Variants in FAR2 observed in about 807,000 individuals in gnomAD.
FAR2 encodes the protein fatty acyl-CoA reductase 2.
In FAR2, 19 loss-of-function variants were observed where a neutral mutation model predicts 56.0. That is an observed-to-expected ratio of 0.34 (90% confidence interval 0.24 to 0.50). FAR2 has a LOEUF of 0.50. Ranked by LOEUF, FAR2 falls within the 20% of genes least tolerant of loss-of-function variation. FAR2 has a pLI of 0.98. For synonymous variants in FAR2, 219 were observed against 218.8 expected (o/e 1.00, Z -0.01); for missense variants, 508 against 642.2 (o/e 0.79, Z 2.26).
intron 1 of FAR2, among the ~76,000 whole-genome samples, chr12:29,229,489 T>C (rs1947820042): frequency 6.6e-6 from 1 of 152,212 alleles, no homozygotes; most frequent in Admixed American, 6.5e-5. Context: ...AATTGTAAGC[T>C]TTAGGTCTGT....
chr12:29,331,520 T>C lies in FAR2; in HGVS notation c.1258-1080T>C, dbSNP rs193258537. The C allele has an allele frequency of 3.3e-5, 5 of 152,242 alleles. No individual in the cohort carries two copies. The East Asian group carries it at 7.7e-4, about 23-fold the overall frequency. 9.4% of individuals were successfully genotyped at this position (152,242 alleles called of 1,614,324 possible). A position where few individuals can be genotyped will look rare whatever the true frequency, so the allele number is the denominator to read the frequency against. ...CTAATACTTGAAATATTTCCAGAGA[T>C]GATACCAGAATCTTCTTGACACTCT... is the stretch of plus-strand genomic sequence containing the variant. On this transcript the variant is annotated intron_variant, in intron 10 of 11. Transcript: ENST00000536681.
rs895636416 is a variant in FAR2 at position 29,290,133 on chromosome 12, G to T, written c.190-3167G>T. ...AACCACTACGGAGAACAGTTTGCAT[G>T]TTCCTCAAAAAACAATAGAAATACC... On this transcript the variant is annotated intron_variant, in intron 2 of 11. Coordinates refer to ENST00000536681, the MANE Select transcript of FAR2 (RefSeq NM_001271783.2). Among the ~76,000 whole-genome samples, 8 of 152,136 alleles carry T rather than the reference G, an allele frequency of 5.3e-5. No homozygotes were observed. The East Asian group carries it at 5.8e-4, about 11-fold the overall frequency.
At chr12:29,161,629 C>T (rs79193658) in intron 1 of FAR2, among the ~76,000 whole-genome samples, 2,769 of 152,064 alleles carry the variant, frequency 0.018, 87 homozygotes, top group African/African-American at 0.062. Context: ...TTTTGTTAAA[C>T]ATACGTACAC....
At chr12:29,256,933 G>A (rs550794905) in intron 1 of FAR2, among the ~76,000 whole-genome samples, 46 of 152,280 alleles carry the variant, frequency 3.0e-4, no homozygotes, top group South Asian at 2.5e-3. Context: ...CACCTCCTCC[G>A]TGGTCTCCTG....
intron 1 of FAR2, among the ~76,000 whole-genome samples, chr12:29,215,466 C>T (rs1295814734): frequency 1.3e-5 from 2 of 152,098 alleles, no homozygotes; most frequent in Non-Finnish European, 2.9e-5. Flanking sequence ...TTCATTTGTA[C>T]ATTATTTTTG....
intron 1 of FAR2, among the ~76,000 whole-genome samples, chr12:29,262,957 T>G (rs1467963636): frequency 6.6e-6 from 1 of 152,176 alleles, no homozygotes; most frequent in Non-Finnish European, 1.5e-5. Flanking sequence ...TGGAAAAAGA[T>G]ATTTCATGCT....
In FAR2 at chr12:29,178,819, C is replaced by T. The variant is rs1949964784; in HGVS notation, c.-39+29412C>T. On this transcript the variant is annotated intron_variant, in intron 1 of 11. Coordinates refer to ENST00000536681, the MANE Select transcript of FAR2 (RefSeq NM_001271783.2). Reference sequence around the variant, plus strand: ...TTTATTGAATGTTCTGTCTTAATTTCACTGGATGAATTTGCTAGGGCTGCT... The same window carrying T: ...TTTATTGAATGTTCTGTCTTAATTTTACTGGATGAATTTGCTAGGGCTGCT... Among the ~76,000 whole-genome samples, 2 of 152,180 alleles carry T rather than the reference C, an allele frequency of 1.3e-5. 1 individual carries two copies. Among genetic ancestry groups the T allele is most frequent in the African/African-American group, 4.8e-5 (2 of 41,438 alleles).
chr12:29,205,048 A>C (rs1947463632), intron 1 of FAR2, among the ~76,000 whole-genome samples: 1 of 152,208 alleles, frequency 6.6e-6, no homozygotes, highest in Non-Finnish European at 1.5e-5. Context: ...TCTTGATGGA[A>C]TCTTAGTGAT....
intron 1 of FAR2, chr12:29,156,826 T>C (rs572395859): frequency 1.6e-4 from 25 of 152,136 alleles, no homozygotes; most frequent in Admixed American, 3.9e-4. Context: ...GGGGAGATTT[T>C]GGAATAGCTA....
chr12:29,268,116 T>G (rs956588212), intron 1 of FAR2, among the ~76,000 whole-genome samples: 8 of 152,218 alleles, frequency 5.3e-5, no homozygotes, highest in African/African-American at 1.9e-4. Flanking sequence ...AGAGTCATTG[T>G]TGCTTAAGGA....
intron 1 of FAR2, among the ~76,000 whole-genome samples, chr12:29,181,660 C>G (rs1021028386): frequency 2.0e-5 from 3 of 152,226 alleles, no homozygotes; most frequent in Non-Finnish European, 4.4e-5. Flanking sequence ...TACAGAGGAG[C>G]TGTTCCTCTT....
chr12:29,290,714 A>T (rs974008726), intron 2 of FAR2, among the ~76,000 whole-genome samples: 8 of 152,336 alleles, frequency 5.3e-5, no homozygotes, highest in Admixed American at 5.2e-4. Context: ...ATGGATGGAA[A>T]TGGAGGTCAT....
intron 1 of FAR2, among the ~76,000 whole-genome samples, chr12:29,244,572 A>G (rs958595004): frequency 7.2e-5 from 11 of 152,206 alleles, no homozygotes; most frequent in African/African-American, 2.7e-4. Context: ...TGTGCACTTC[A>G]TCCTCCAAAC....
intron 10 of FAR2, among the ~76,000 whole-genome samples, chr12:29,328,259 A>G (rs535004834): frequency 7.2e-4 from 109 of 152,126 alleles, no homozygotes; most frequent in African/African-American, 2.5e-3. Flanking sequence ...GAAACAACAG[A>G]TGCTGGAGAG....
At chr12:29,314,858 T>C (rs1358291827) in intron 8 of FAR2, among the ~76,000 whole-genome samples, 4 of 152,154 alleles carry the variant, frequency 2.6e-5, no homozygotes, top group Non-Finnish European at 4.4e-5. Context: ...AATGTATTTG[T>C]AATGACTAAA....
chr12:29,264,510 C>T (rs1427938433), intron 1 of FAR2, among the ~76,000 whole-genome samples: 2 of 151,912 alleles, frequency 1.3e-5, no homozygotes, highest in East Asian at 3.9e-4. Flanking sequence ...TGCATTGGCT[C>T]TTGCCTGTAA....
chr12:29,315,981 A>T (rs573822763), intron 8 of FAR2, among the ~76,000 whole-genome samples: 1 of 152,306 alleles, frequency 6.6e-6, no homozygotes, highest in African/African-American at 2.4e-5. Context: ...ATAATGCCAC[A>T]AATGTTTCAA....
chr12:29,295,680 G>A (rs1335715737), intron 3 of FAR2, among the ~76,000 whole-genome samples: 2 of 148,672 alleles, frequency 1.3e-5, no homozygotes, highest in Non-Finnish European at 3.0e-5. Flanking sequence ...TATTTTAAAC[G>A]TTCAACTTTG....
chr12:29,155,158 C>T (rs1949716427), intron 1 of FAR2, among the ~76,000 whole-genome samples: 1 of 152,210 alleles, frequency 6.6e-6, no homozygotes, highest in South Asian at 2.1e-4. Context: ...CATCAAGATA[C>T]ATTTTGTGAA....
Sources: allele counts gnomAD v4.1 joint callset (sites outside exome capture counted in the v4.1 genomes callset), GRCh38; gene constraint gnomAD v4.1.1; transcripts MANE v1.5; gene names NCBI Gene and HGNC (gene_info 2026-07-23, HGNC 2026-07-21).